Variants in SNTG2 observed in about 807,000 individuals in gnomAD.
SNTG2 encodes the protein syntrophin gamma 2.
In SNTG2, 74 loss-of-function variants were observed where a neutral mutation model predicts 70.9. The ratio of observed to expected loss-of-function variants is 1.04; its 90% CI spans 0.86 to 1.27. The LOEUF is 1.27. Among genes scored for constraint, SNTG2 ranks in the 50% most tolerant of loss-of-function variants. The pLI, the probability that SNTG2 is intolerant of heterozygous loss-of-function variation, is 0.00. For synonymous variants in SNTG2, 278 were observed against 273.8 expected (o/e 1.02, Z -0.15); for missense variants, 717 against 690.7 (o/e 1.04, Z -0.43).
intron 6 of SNTG2, among the ~76,000 whole-genome samples, chr2:1,145,298 G>C (rs1669025669): frequency 6.6e-6 from 1 of 150,460 alleles, no homozygotes; most frequent in Non-Finnish European, 1.5e-5. Context: ...GAAAAAAAAA[G>C]CTGTTTCTTT....
chr2:1,229,009 T>G (rs908115976), intron 9 of SNTG2, among the ~76,000 whole-genome samples: 24 of 152,134 alleles, frequency 1.6e-4, no homozygotes, highest in African/African-American at 5.8e-4. Context: ...TCTCTCTGGC[T>G]TCAGGAGTGA....
intron 16 of SNTG2, among the ~76,000 whole-genome samples, chr2:1,321,534 A>G (rs767425640): frequency 6.6e-5 from 10 of 152,258 alleles, no homozygotes; most frequent in Admixed American, 2.6e-4. Flanking sequence ...CTGGCTGCTG[A>G]GTTTTCTTGG....
At chr2:1,073,699 C>A (rs1226706118) in intron 1 of SNTG2, among the ~76,000 whole-genome samples, 4 of 152,152 alleles carry the variant, frequency 2.6e-5, no homozygotes, top group African/African-American at 9.7e-5. Flanking sequence ...AACATTATAT[C>A]CAATGTTCCC....
chr2:1,263,278 T>C (rs1678543204), intron 13 of SNTG2, among the ~76,000 whole-genome samples: 1 of 152,196 alleles, frequency 6.6e-6, no homozygotes, highest in South Asian at 2.1e-4. Flanking sequence ...GTAATTCTAC[T>C]ATAAATTTAT....
In SNTG2 at chr2:1,098,421, C is replaced by G; in HGVS notation, c.325+11C>G. On this transcript the variant is annotated intron_variant, in intron 4 of 16. Coordinates refer to ENST00000308624, the MANE Select transcript of SNTG2 (RefSeq NM_018968.4). ...TCGAAGACCAAGCAGGTAAAAACAG[C>G]CAAAATGACCTGTGTATGCATCACA... 2 of 1,613,632 alleles carry G rather than the reference C, an allele frequency of 1.2e-6. No homozygotes were observed. Among genetic ancestry groups the G allele is most frequent in the Non-Finnish European group, 1.7e-6 (2 of 1,179,630 alleles).
At position 1,203,610 on chromosome 2, in the gene SNTG2, C is replaced by T. The variant is rs531860890; in HGVS notation, c.592-5493C>T. Among the ~76,000 whole-genome samples, 931 of 151,182 alleles carry T rather than the reference C, an allele frequency of 6.2e-3. 7 individuals are homozygous for T. Among genetic ancestry groups the T allele is most frequent in the African/African-American group, 0.022 (889 of 41,146 alleles). On this transcript the variant is annotated intron_variant, in intron 8 of 16. Coordinates refer to ENST00000308624, the MANE Select transcript of SNTG2 (RefSeq NM_018968.4). ...CTGGGGTTGCAGTGAGCCGAGATCA[C>T]ACCATTGCACTCCAGTCTGTGCAAC...
intron 11 of SNTG2, 95 bp downstream of exon 11, chr2:1,239,871 G>A: frequency 2.0e-6 from 3 of 1,464,126 alleles, no homozygotes; most frequent in Non-Finnish European, 2.8e-6. Flanking sequence ...AGCAGTCTCT[G>A]GTTTTTTGAA....
chr2:1,286,365 G>A (rs1679766661), intron 14 of SNTG2, among the ~76,000 whole-genome samples: 1 of 152,170 alleles, frequency 6.6e-6, no homozygotes, highest in Non-Finnish European at 1.5e-5. Flanking sequence ...CCCCTTCCCT[G>A]CAAAGTATTG....
At chr2:1,274,338 G>T (rs1679182832) in intron 14 of SNTG2, among the ~76,000 whole-genome samples, 1 of 152,184 alleles carries the variant, frequency 6.6e-6, no homozygotes, top group South Asian at 2.1e-4. Flanking sequence ...AGCCCAAATG[G>T]TCACTGATGT....
chr2:1,017,540 C>G (rs1015734132), intron 1 of SNTG2, among the ~76,000 whole-genome samples: 3 of 140,850 alleles, frequency 2.1e-5, no homozygotes, highest in Non-Finnish European at 4.8e-5. Flanking sequence ...CATATCCACA[C>G]AGGCAGGGAC....
chr2:978,888 A>G (rs1661000502), intron 1 of SNTG2, among the ~76,000 whole-genome samples: 1 of 152,218 alleles, frequency 6.6e-6, no homozygotes, highest in South Asian at 2.1e-4. Context: ...CCATAAAGTC[A>G]TTTATAAGGA....
intron 4 of SNTG2, among the ~76,000 whole-genome samples, chr2:1,130,231 G>A (rs1202026599): frequency 6.6e-6 from 1 of 152,160 alleles, no homozygotes; most frequent in East Asian, 1.9e-4. Context: ...ATTCATAGAT[G>A]ACATTCTTTG....
intron 8 of SNTG2, among the ~76,000 whole-genome samples, chr2:1,199,151 A>C (rs1399251610): frequency 1.1e-5 from 1 of 92,616 alleles, no homozygotes; most frequent in African/African-American, 3.8e-5. Context: ...TAGCAGACCT[A>C]ATCCAACAAC....
chr2:1,173,136 C>G lies in SNTG2; in HGVS notation c.544C>G (p.Pro182Ala). 5 of 1,614,024 alleles carry G rather than the reference C, an allele frequency of 3.1e-6. No individual in the cohort carries two copies. Among genetic ancestry groups the G allele is most frequent in the Non-Finnish European group, 4.2e-6 (5 of 1,179,898 alleles). The change falls in exon 8 of 17, where the codon CCC becomes GCC. Residue 182 changes from proline to alanine, a missense_variant. Coordinates refer to ENST00000308624, the MANE Select transcript of SNTG2 (RefSeq NM_018968.4). ...CGACCACAGCAGTGGGGCCTCCTCTCCCCTCTTTGACAGCGGTTTGCATCT... is the reference window on the plus strand; with the variant it reads ...CGACCACAGCAGTGGGGCCTCCTCTGCCCTCTTTGACAGCGGTTTGCATCT... ...SSDHSSGASS[P>A]LFDSGLHLNG...
At chr2:1,129,572 C>T (rs1263271881) in intron 4 of SNTG2, among the ~76,000 whole-genome samples, 6 of 152,162 alleles carry the variant, frequency 3.9e-5, no homozygotes, top group African/African-American at 7.2e-5. Flanking sequence ...AGTTTGTGAC[C>T]GCATTAATTT....
chr2:995,319 A>G (rs1341706983), intron 1 of SNTG2, among the ~76,000 whole-genome samples: 1 of 152,038 alleles, frequency 6.6e-6, no homozygotes, highest in Non-Finnish European at 1.5e-5. Flanking sequence ...TCTTGAGGTG[A>G]TCATATGATT....
intron 1 of SNTG2, among the ~76,000 whole-genome samples, chr2:1,007,551 A>G (rs548670550): frequency 3.9e-5 from 6 of 152,182 alleles, no homozygotes; most frequent in Non-Finnish European, 8.8e-5. Flanking sequence ...CACCCACCAC[A>G]AGGCATAGTA....
At chr2:1,116,595 T>TACGGGTGCCCCGGC (rs1558419527) in intron 4 of SNTG2, among the ~76,000 whole-genome samples, 2 of 144,312 alleles carry the variant, frequency 1.4e-5, no homozygotes, top group African/African-American at 5.2e-5. Context: ...GGTGCCCCGG[T>TACGGGTGCCCCGGC]GTTCGGGTGC....
chr2:1,287,937 G>A (rs1178844064), intron 14 of SNTG2, among the ~76,000 whole-genome samples: 3 of 134,126 alleles, frequency 2.2e-5, no homozygotes, highest in Non-Finnish European at 4.8e-5. Context: ...ACAGCATCGT[G>A]ATGGACAGCC....
Sources: gnomAD v4.1 joint callset for allele counts (sites outside exome capture counted in the v4.1 genomes callset) on GRCh38, gnomAD v4.1.1 for gene constraint, MANE v1.5 for transcripts, NCBI Gene and HGNC (gene_info 2026-07-23, HGNC 2026-07-21) for gene names.